IFI16: variants seen among roughly 807,000 people sequenced by gnomAD.
IFI16 encodes the protein interferon gamma inducible protein 16.
Under a neutral mutation model 68.4 loss-of-function variants are expected in IFI16, and 49 were observed. The ratio of observed to expected loss-of-function variants is 0.72; its 90% CI spans 0.57 to 0.91. The LOEUF (loss-of-function observed/expected upper bound fraction) is 0.91, where lower values mean the gene tolerates loss of function less well. IFI16 is among the 40% of genes least tolerant of loss of function. The pLI is 0.00. For synonymous variants in IFI16, 307 were observed against 315.0 expected (o/e 0.97, Z 0.27); for missense variants, 878 against 942.9 (o/e 0.93, Z 0.90).
At chr1:159,021,898 T>C (rs1302784058) in intron 6 of IFI16, among the ~76,000 whole-genome samples, 2 of 151,780 alleles carry the variant, frequency 1.3e-5, no homozygotes, top group Non-Finnish European at 2.9e-5. Context: ...TTTACATATC[T>C]TCTTTTGAGA....
intron 7 of IFI16, among the ~76,000 whole-genome samples, chr1:159,042,816 A>G (rs1654738476): frequency 3.1e-4 from 1 of 3,188 alleles, no homozygotes; most frequent in South Asian, 0.17. Flanking sequence ...TGTGTTGTCA[A>G]CACTTACCCA....
At chr1:159,032,140 A>C (rs1654036866) in intron 6 of IFI16, among the ~76,000 whole-genome samples, 1 of 152,250 alleles carries the variant, frequency 6.6e-6, no homozygotes, top group Non-Finnish European at 1.5e-5. Flanking sequence ...AAAATGTCAC[A>C]TGCAAATGTT....
In IFI16 at chr1:159,054,899, TA is replaced by T. The variant is rs757602743; in HGVS notation, c.*2del. 11 of 1,556,362 alleles carry T rather than the reference TA, an allele frequency of 7.1e-6. No homozygotes were observed. The highest frequency in any genetic ancestry group is 9.7e-6 in the Non-Finnish European group (11 of 1,130,434). ...GGAAACTTCACCAGACTTTTTCTTC[TA>T]AAATCTGGATGTCATTGACGATAAT... The part of the protein sequence containing the change: ...SMETSPDFFF[*>X] On this transcript the variant is annotated frameshift_variant and stop_lost, in exon 12 of 12. Transcript: ENST00000295809. LOFTEE classifies it high-confidence loss of function.
intron 7 of IFI16, among the ~76,000 whole-genome samples, chr1:159,043,155 A>T (rs980344929): frequency 6.6e-6 from 1 of 152,154 alleles, no homozygotes; most frequent in Non-Finnish European, 1.5e-5. Flanking sequence ...ATTTCCCCCT[A>T]TATAGTCTTT....
chr1:159,044,188 A>T (rs926371225), intron 7 of IFI16, among the ~76,000 whole-genome samples: 3 of 152,144 alleles, frequency 2.0e-5, no homozygotes, highest in African/African-American at 7.2e-5. Context: ...CCCATCTCAC[A>T]TGTGGGAAAA....
intron 2 of IFI16, 59 bp downstream of exon 2, chr1:159,015,004 T>C: frequency 6.9e-7 from 1 of 1,444,730 alleles, no homozygotes; most frequent in Admixed American, 2.2e-5. Flanking sequence ...TCCCCAACAT[T>C]GATTAGAGCC....
At chr1:159,020,714 G>A (rs1015720114) in intron 6 of IFI16, among the ~76,000 whole-genome samples, 185 bp downstream of exon 6, 1 of 151,694 alleles carries the variant, frequency 6.6e-6, no homozygotes, top group Non-Finnish European at 1.5e-5. Flanking sequence ...GATGTGATAG[G>A]ATACAATTTT....
At chr1:159,006,951 C>T (rs1652283019), upstream of IFI16, among the ~76,000 whole-genome samples, 1 of 152,184 alleles carries the variant, frequency 6.6e-6, no homozygotes, top group South Asian at 2.1e-4. Context: ...TGGCCTTTAC[C>T]TTATCATATA....
chr1:159,010,491 T>C (rs887425600), intron 1 of IFI16, among the ~76,000 whole-genome samples: 14 of 152,196 alleles, frequency 9.2e-5, no homozygotes, highest in African/African-American at 3.1e-4. Context: ...GGAAGAAGTG[T>C]TGGAAACTCG....
chr1:159,033,819 T>G (rs761856355), intron 7 of IFI16, among the ~76,000 whole-genome samples: 1 of 152,146 alleles, frequency 6.6e-6, no homozygotes, highest in African/African-American at 2.4e-5. Flanking sequence ...GTGATCAGAG[T>G]GTGTTCTAAT....
chr1:159,031,772 C>G (rs755802332), intron 6 of IFI16, among the ~76,000 whole-genome samples: 11 of 152,070 alleles, frequency 7.2e-5, no homozygotes, highest in Non-Finnish European at 1.3e-4. Flanking sequence ...AATGGAAAAG[C>G]CTATTAAGAT....
intron 4 of IFI16, 104 bp from the exon 5 acceptor site, chr1:159,018,125 C>G: frequency 1.1e-6 from 1 of 885,146 alleles, no homozygotes. Flanking sequence ...CTCTAAACAT[C>G]TGTGCAAGTT....
At position 159,036,946 on chromosome 1, in the gene IFI16, T is replaced by G. The variant is rs111427710; in HGVS notation, c.1329+4255T>G. Among the ~76,000 whole-genome samples, 183 of 152,338 alleles carry G rather than the reference T, an allele frequency of 1.2e-3. 1 individual carries two copies. The highest frequency in any genetic ancestry group is 2.1e-3 in the Admixed American group (32 of 15,290). On this transcript the variant is annotated intron_variant, in intron 7 of 11. Coordinates refer to ENST00000295809, the MANE Select transcript of IFI16 (RefSeq NM_001376587.1). Reference sequence around the variant, plus strand: ...TGTTGTTTTGTTGTTGTTATTGTCCTGTTTGACTGGTAAATTCCAAAATTC... The same window carrying G: ...TGTTGTTTTGTTGTTGTTATTGTCCGGTTTGACTGGTAAATTCCAAAATTC...
chr1:159,040,857 A>G (rs747632795), intron 7 of IFI16, among the ~76,000 whole-genome samples: 9 of 152,254 alleles, frequency 5.9e-5, no homozygotes, highest in Non-Finnish European at 1.3e-4. Flanking sequence ...ATATGAGAAC[A>G]CTAGCGTTCA....
chr1:159,037,614 G>C (rs72709526), intron 7 of IFI16, among the ~76,000 whole-genome samples: 5,595 of 152,174 alleles, frequency 0.037, 115 homozygotes, highest in Non-Finnish European at 0.047. Flanking sequence ...ATTACTCAAC[G>C]AAATCTACAA....
intron 6 of IFI16, among the ~76,000 whole-genome samples, chr1:159,031,481 C>T (rs985033714): frequency 1.3e-5 from 2 of 152,222 alleles, no homozygotes; most frequent in Non-Finnish European, 2.9e-5. Context: ...TAATGGCTTC[C>T]CTGGGGACTG....
At chr1:159,039,851 G>T (rs1293958230) in intron 7 of IFI16, among the ~76,000 whole-genome samples, 1 of 152,142 alleles carries the variant, frequency 6.6e-6, no homozygotes, top group African/African-American at 2.4e-5. Flanking sequence ...ACCCCATCCA[G>T]CCATTTCTTA....
chr1:159,047,478 A>C (rs1048974651), intron 8 of IFI16, among the ~76,000 whole-genome samples: 3 of 147,650 alleles, frequency 2.0e-5, no homozygotes, highest in Non-Finnish European at 4.5e-5. Flanking sequence ...TCATAAGACA[A>C]CTACTCTGTC....
Position 159,015,730 on chromosome 1 carries a change from A to G in IFI16, c.266-142A>G. The G allele has an allele frequency of 6.3e-6, 4 of 631,834 alleles. No homozygotes were observed. The South Asian group carries it at 7.6e-5, about 12-fold the overall frequency. The allele number at this position is 631,834 out of a possible 1,614,324, so 39.1% of individuals were successfully genotyped here. ...CCTTAAGGCCAGGCTGGGCTAATGCAGTAGAGCTAGACTAAAGCACAGCTG... is the reference window on the plus strand; with the variant it reads ...CCTTAAGGCCAGGCTGGGCTAATGCGGTAGAGCTAGACTAAAGCACAGCTG... On this transcript the variant is annotated intron_variant, in intron 2 of 11. Coordinates refer to ENST00000295809, the MANE Select transcript of IFI16 (RefSeq NM_001376587.1).
Sources: gnomAD v4.1 joint callset for allele counts (sites outside exome capture counted in the v4.1 genomes callset) on GRCh38, gnomAD v4.1.1 for gene constraint, MANE v1.5 for transcripts, NCBI Gene and HGNC (gene_info 2026-07-23, HGNC 2026-07-21) for gene names.